DCN: variants seen among roughly 807,000 people sequenced by gnomAD.
DCN encodes the protein bone proteoglycan II.
DCN carries 17 observed loss-of-function variants against 36.5 expected under a neutral mutation model. The ratio of observed to expected loss-of-function variants is 0.47; its 90% CI spans 0.32 to 0.70. DCN has a LOEUF of 0.70. Ranked by LOEUF, DCN falls within the 30% of genes least tolerant of loss-of-function variation. The pLI, the probability that DCN is intolerant of heterozygous loss-of-function variation, is 0.04. For synonymous variants in DCN, 163 were observed against 161.4 expected (o/e 1.01, Z -0.07); for missense variants, 389 against 430.1 (o/e 0.90, Z 0.84).
intron 5 of DCN, among the ~76,000 whole-genome samples, 179 bp from the exon 6 acceptor site, chr12:91,153,368 A>T (rs941365086): frequency 6.6e-6 from 1 of 151,942 alleles, no homozygotes; most frequent in African/African-American, 2.4e-5. Flanking sequence ...TTTTGGAAGT[A>T]GTGGAAGCCC....
At chr12:91,177,331 T>C in intron 2 of DCN, 1 of 483,598 alleles carries the variant, frequency 2.1e-6, no homozygotes, top group Non-Finnish European at 3.6e-6. Context: ...GCATTTTTCT[T>C]CTGCAAACTA....
At chr12:91,168,541 G>C (rs1346823919) in intron 2 of DCN, among the ~76,000 whole-genome samples, 1 of 152,094 alleles carries the variant, frequency 6.6e-6, no homozygotes, top group African/African-American at 2.4e-5. Flanking sequence ...AACAAGAAGT[G>C]CCTTTCTGAT....
intron 3 of DCN, among the ~76,000 whole-genome samples, chr12:91,162,757 T>A (rs1322108859): frequency 6.6e-6 from 1 of 152,190 alleles, no homozygotes; most frequent in Non-Finnish European, 1.5e-5. Flanking sequence ...TGAATAAAAA[T>A]CTGCTTCTGT....
chr12:91,147,883 T>G (rs1326354134), intron 7 of DCN, among the ~76,000 whole-genome samples: 2 of 152,182 alleles, frequency 1.3e-5, no homozygotes, highest in East Asian at 3.9e-4. Flanking sequence ...GAATTATGTT[T>G]TACAATCATG....
chr12:91,171,818 T>C (rs1359543125), intron 2 of DCN, among the ~76,000 whole-genome samples: 1 of 152,210 alleles, frequency 6.6e-6, no homozygotes, highest in Non-Finnish European at 1.5e-5. Flanking sequence ...TTCAGAGCCC[T>C]TCCCAAATTT....
chr12:91,165,579 A>G (rs1882508671), intron 2 of DCN, among the ~76,000 whole-genome samples: 2 of 152,156 alleles, frequency 1.3e-5, no homozygotes, highest in African/African-American at 2.4e-5. Context: ...ATCATGAATC[A>G]TAATAGAGAA....
intron 6 of DCN, 89 bp from the exon 7 acceptor site, chr12:91,151,881 GA>G (rs1432616345): frequency 1.3e-6 from 2 of 1,527,848 alleles, no homozygotes; most frequent in Non-Finnish European, 1.8e-6. Flanking sequence ...TATAGGAAAG[GA>G]CATTTTTTGT....
chr12:91,159,429 A>G (rs1249366808), intron 3 of DCN, among the ~76,000 whole-genome samples: 1 of 149,672 alleles, frequency 6.7e-6, no homozygotes, highest in Non-Finnish European at 1.5e-5. Flanking sequence ...TTTTTTTTTT[A>G]TTTTCCTACC....
rs752509888 is a variant in DCN, at chr12:91,157,179, G to A, written c.548C>T (p.Thr183Ile). The A allele has an allele frequency of 1.2e-6, 2 of 1,612,448 alleles. No homozygotes were observed. Among genetic ancestry groups the A allele is most frequent in the Non-Finnish European group, 8.5e-7 (1 of 1,178,512 alleles). ...AATTCCTGAGCTCTTCAGCGGATTG[G>A]TGCCCAGTTCTACAAATGTAATAAG... ...LNQMIVIELG[T>I]NPLKSSGIEN... Residue 183 changes from threonine to isoleucine, a missense_variant, in exon 5 of 8, where the codon ACC becomes ATC. By Grantham distance (89) the Thr-to-Ile change is moderately conservative. Transcript: ENST00000052754.
At chr12:91,173,560 T>C (rs944878510) in intron 2 of DCN, among the ~76,000 whole-genome samples, 1 of 152,138 alleles carries the variant, frequency 6.6e-6, no homozygotes, top group African/African-American at 2.4e-5. Context: ...ATTTAGGCAA[T>C]CCAGTGGTCA....
At chr12:91,172,998 G>T in intron 2 of DCN, 1 of 431,916 alleles carries the variant, frequency 2.3e-6, no homozygotes, top group East Asian at 3.7e-5. Context: ...GGCAGAAGTA[G>T]GCAAGCTACA....
chr12:91,176,401 T>C (rs1224350974), intron 2 of DCN: 1 of 152,120 alleles, frequency 6.6e-6, no homozygotes, highest in Non-Finnish European at 1.5e-5. Flanking sequence ...TAGAAAACTT[T>C]CTCATCTGAA....
chr12:91,179,726 C>CGAATTTCT (rs1883493111), intron 1 of DCN: 1 of 151,966 alleles, frequency 6.6e-6, no homozygotes, highest in African/African-American at 2.4e-5. Flanking sequence ...TTTTCAGTAT[C>CGAATTTCT]GAATTTCTGA....
rs956980093 is a variant in DCN at position 91,143,521 on chromosome 12, C to T, written c.*2537G>A. The T allele has an allele frequency of 6.6e-6, 1 of 152,090 alleles. No individual in the cohort carries two copies. The highest frequency in any genetic ancestry group is 1.5e-5 in the Non-Finnish European group (1 of 68,016). 9.4% of individuals were successfully genotyped at this position (152,090 alleles called of 1,614,324 possible). A position where few individuals can be genotyped will look rare whatever the true frequency, so the allele number is the denominator to read the frequency against. ...AATTTCCCTTGAAATGATTATAGCTCGAACTGTGTGCCTGTAATAACAATG... is the reference window on the plus strand; with the variant it reads ...AATTTCCCTTGAAATGATTATAGCTTGAACTGTGTGCCTGTAATAACAATG... On this transcript the variant is annotated 3_prime_UTR_variant, in exon 8 of 8. Coordinates refer to ENST00000052754, the MANE Select transcript of DCN (RefSeq NM_001920.5).
rs1476800115 is a variant in DCN at position 91,145,193 on chromosome 12, T to A, written c.*865A>T. 3.3e-5 allele frequency: 5 copies of A among 152,220 alleles called. No homozygotes were observed. The highest frequency in any genetic ancestry group is 5.9e-5 in the Non-Finnish European group (4 of 68,032). The allele number at this position is 152,220 out of a possible 1,614,324, so 9.4% of individuals were successfully genotyped here. A position where few individuals can be genotyped will look rare whatever the true frequency, so the allele number is the denominator to read the frequency against. On this transcript the variant is annotated 3_prime_UTR_variant, in exon 8 of 8. Transcript: ENST00000052754. Reference sequence around the variant, plus strand: ...ACATTTCTAACATGGGTGGTTTAACTAAAGAAAATACTTACGTCTAATACA... The same window carrying A: ...ACATTTCTAACATGGGTGGTTTAACAAAAGAAAATACTTACGTCTAATACA...
intron 2 of DCN, among the ~76,000 whole-genome samples, chr12:91,167,058 A>G (rs1252983613): frequency 6.6e-6 from 1 of 152,236 alleles, no homozygotes; most frequent in Non-Finnish European, 1.5e-5. Flanking sequence ...AACATGAACA[A>G]GCTTATCTAG....
In DCN at chr12:91,174,705, G is replaced by T. The variant is rs144641647; in HGVS notation, c.211+3637C>A. On this transcript the variant is annotated intron_variant, in intron 2 of 7. Coordinates refer to ENST00000052754, the MANE Select transcript of DCN (RefSeq NM_001920.5). ...TAGTAAACAGCAAAGCAGAATTTGA[G>T]ATCAGAGGTGTTTAACTGCACAGCC... 1.0e-3 allele frequency among the ~76,000 whole-genome samples: 157 copies of T among 152,234 alleles called. 1 individual carries two copies. The highest frequency in any genetic ancestry group is 6.8e-3 in the Middle Eastern group (2 of 294).
At chr12:91,162,516 T>C (rs1028223093) in intron 3 of DCN, among the ~76,000 whole-genome samples, 10 of 152,272 alleles carry the variant, frequency 6.6e-5, no homozygotes, top group Admixed American at 2.0e-4. Context: ...TAGTAAGTAG[T>C]GCCTATTCTC....
chr12:91,158,691 G>A (rs1360487548), intron 3 of DCN, among the ~76,000 whole-genome samples, 182 bp from the exon 4 acceptor site: 1 of 152,226 alleles, frequency 6.6e-6, no homozygotes, highest in East Asian at 1.9e-4. Flanking sequence ...GCCAGGTGCG[G>A]TGGCTCATGC....
Sources: allele counts gnomAD v4.1 joint callset (sites outside exome capture counted in the v4.1 genomes callset), GRCh38; gene constraint gnomAD v4.1.1; transcripts MANE v1.5; gene names NCBI Gene and HGNC (gene_info 2026-07-23, HGNC 2026-07-21).